TAB2: variants seen among roughly 807,000 people sequenced by gnomAD.
The protein encoded by TAB2 is TGF-beta activated kinase 1 (MAP3K7) binding protein 2.
TAB2 carries 3 observed loss-of-function variants against 65.0 expected under a neutral mutation model. That is an observed-to-expected ratio of 0.05 (90% CI 0.02 to 0.12). The LOEUF (loss-of-function observed/expected upper bound fraction) is 0.12. TAB2 is among the 10% of genes least tolerant of loss of function. The pLI is 1.00. For synonymous variants in TAB2, 298 were observed against 285.1 expected (o/e 1.05, Z -0.46); for missense variants, 623 against 840.3 (o/e 0.74, Z 3.20).
At chr6:149,393,489 A>G (rs1192613078) in intron 3 of TAB2, among the ~76,000 whole-genome samples, 2 of 152,166 alleles carry the variant, frequency 1.3e-5, no homozygotes, top group African/African-American at 2.4e-5. Context: ...TCACAACCAT[A>G]TGTGTAGCAA....
chr6:149,272,711 TG>T (rs1170313979), intron 1 of TAB2, among the ~76,000 whole-genome samples: 4 of 152,192 alleles, frequency 2.6e-5, no homozygotes, highest in Non-Finnish European at 4.4e-5. Flanking sequence ...TTCACAGACT[TG>T]GGGGATTTGC....
chr6:149,305,542 A>G (rs1022732117), intron 1 of TAB2, among the ~76,000 whole-genome samples: 1 of 152,092 alleles, frequency 6.6e-6, no homozygotes, highest in Non-Finnish European at 1.5e-5. Context: ...TTAATAGACG[A>G]GTTGTTAGAA....
intron 1 of TAB2, among the ~76,000 whole-genome samples, chr6:149,369,249 G>A (rs929380775): frequency 2.0e-5 from 3 of 151,996 alleles, no homozygotes; most frequent in Admixed American, 1.3e-4. Context: ...TTTCAACTTC[G>A]ACCACACATT....
intron 1 of TAB2, among the ~76,000 whole-genome samples, chr6:149,273,423 G>C (rs1381649172): frequency 6.6e-6 from 1 of 152,182 alleles, no homozygotes; most frequent in East Asian, 1.9e-4. Context: ...GTGAAAACGG[G>C]CTGGGAGGAA....
rs866307971 is a variant in TAB2 at position 149,403,281 on chromosome 6, T to C, written c.1939+4097T>C. Among the ~76,000 whole-genome samples, 72 of 31,870 alleles carry C rather than the reference T, an allele frequency of 2.3e-3. 1 individual carries two copies. Among genetic ancestry groups the C allele is most frequent in the African/African-American group, 5.5e-3 (31 of 5,680 alleles). The allele number at this position is 31,870 out of a possible 152,430, so 20.9% of individuals were successfully genotyped here. On this transcript the variant is annotated intron_variant, in intron 6 of 6. Transcript: ENST00000637181. The stretch of plus-strand genomic sequence containing the variant: ...ATATATATATATATATATATATATA[T>C]ATACACACACACACATATATATATA...
intron 3 of TAB2, among the ~76,000 whole-genome samples, chr6:149,392,425 C>T (rs1562450124): frequency 6.6e-6 from 1 of 152,208 alleles, no homozygotes; most frequent in African/African-American, 2.4e-5. Flanking sequence ...ATGAGGTGAT[C>T]CTTAAACCTA....
At position 149,378,260 on chromosome 6, in the gene TAB2, C is replaced by T; in HGVS notation, c.345C>T (p.Gly115=). ...HSISDGQLQG[G]QSNSELFQQE... is the part of the protein sequence containing the mutation. ...TTAGTGATGGACAACTTCAAGGTGG[C>T]CAGTCCAATAGTGAACTATTTCAGC... The change falls in exon 3 of 7, where the codon GGC becomes GGT. Residue 115 remains glycine, a synonymous_variant. Transcript: ENST00000637181. 14 of 1,614,184 alleles carry T rather than the reference C, an allele frequency of 8.7e-6. No homozygotes were observed. Among genetic ancestry groups the T allele is most frequent in the East Asian group, 2.2e-5 (1 of 44,880 alleles).
At chr6:149,239,119 C>T (rs1030234160) in intron 1 of TAB2, among the ~76,000 whole-genome samples, 1 of 152,218 alleles carries the variant, frequency 6.6e-6, no homozygotes, top group African/African-American at 2.4e-5. Flanking sequence ...CCATCTAAAA[C>T]TCAAGTGACT....
At chr6:149,374,059 A>T (rs755809372) in intron 2 of TAB2, among the ~76,000 whole-genome samples, 1 of 152,212 alleles carries the variant, frequency 6.6e-6, no homozygotes, top group Non-Finnish European at 1.5e-5. Context: ...TACTAAAAAT[A>T]AATCATAGTC....
intron 1 of TAB2, among the ~76,000 whole-genome samples, chr6:149,300,404 C>A (rs1778950992): frequency 2.0e-5 from 3 of 152,128 alleles, no homozygotes; most frequent in Admixed American, 1.3e-4. Flanking sequence ...TAACTCTGAC[C>A]TTGAGCAAGT....
intron 1 of TAB2, among the ~76,000 whole-genome samples, chr6:149,339,486 A>G (rs1186777958): frequency 6.6e-6 from 1 of 152,208 alleles, no homozygotes; most frequent in Non-Finnish European, 1.5e-5. Context: ...ACTTTAATAA[A>G]TGGACTCATA....
chr6:149,399,745 T>C (rs993672743), intron 6 of TAB2, among the ~76,000 whole-genome samples: 2 of 152,140 alleles, frequency 1.3e-5, no homozygotes, highest in African/African-American at 2.4e-5. Flanking sequence ...TACATAAATA[T>C]CACTGCTGAA....
At chr6:149,356,691 A>G (rs943751673) in intron 1 of TAB2, among the ~76,000 whole-genome samples, 4 of 152,194 alleles carry the variant, frequency 2.6e-5, no homozygotes, top group Non-Finnish European at 5.9e-5. Context: ...AGGATGTCAC[A>G]TACGAATTTT....
intron 1 of TAB2, among the ~76,000 whole-genome samples, chr6:149,303,068 T>C (rs1286714249): frequency 2.6e-5 from 4 of 152,234 alleles, no homozygotes; most frequent in African/African-American, 9.6e-5. Flanking sequence ...TAATGCCTTA[T>C]GATCTGTCAC....
chr6:149,374,208 T>C (rs9498336), intron 2 of TAB2, among the ~76,000 whole-genome samples: 35,907 of 152,072 alleles, frequency 0.24, 4,437 homozygotes, highest in Non-Finnish European at 0.26. Flanking sequence ...CTGCTAAGAA[T>C]GAAGATGAAA....
chr6:149,221,963 AT>A (rs1452527852), intron 1 of TAB2, among the ~76,000 whole-genome samples: 2 of 152,238 alleles, frequency 1.3e-5, no homozygotes, highest in African/African-American at 4.8e-5. Context: ...ATGCCTGGAT[AT>A]TTCTGGAAGA....
chr6:149,281,087 G>C (rs746552642), intron 1 of TAB2, among the ~76,000 whole-genome samples: 1 of 147,118 alleles, frequency 6.8e-6, no homozygotes, highest in Non-Finnish European at 1.5e-5. Context: ...ATGAATACAC[G>C]GGTAAATATA....
At chr6:149,271,658 T>A (rs1778366781) in intron 1 of TAB2, among the ~76,000 whole-genome samples, 1 of 152,056 alleles carries the variant, frequency 6.6e-6, no homozygotes, top group African/African-American at 2.4e-5. Context: ...GAAAATGAAC[T>A]ATTTAGCTGG....
intron 1 of TAB2, among the ~76,000 whole-genome samples, chr6:149,336,419 T>C (rs918585747): frequency 6.6e-6 from 1 of 152,120 alleles, no homozygotes; most frequent in Non-Finnish European, 1.5e-5. Context: ...TGTGCTTGAT[T>C]TATTGGGGGC....
Sources: gnomAD v4.1 joint callset for allele counts (sites outside exome capture counted in the v4.1 genomes callset) on GRCh38, gnomAD v4.1.1 for gene constraint, MANE v1.5 for transcripts, NCBI Gene and HGNC (gene_info 2026-07-23, HGNC 2026-07-21) for gene names.